Variants in CTNNA2 observed in about 807,000 individuals in gnomAD.
CTNNA2 encodes catenin alpha-2.
Under a neutral mutation model 101.0 loss-of-function variants are expected in CTNNA2, and 42 were observed. The observed-to-expected ratio is 0.42, with a 90% confidence interval of 0.32 to 0.54. The LOEUF (loss-of-function observed/expected upper bound fraction) is 0.54, where lower values mean the gene tolerates loss of function less well. Among genes scored for constraint, CTNNA2 ranks in the 20% least tolerant of loss-of-function variants. The probability of loss-of-function intolerance (pLI) is 0.14; values close to 1 mark genes in which losing one functional copy is unlikely to be tolerated. For missense variants in CTNNA2, 871 were observed against 1,223.1 expected, an observed-to-expected ratio of 0.71 and a Z score of 4.29; for synonymous variants, 450 against 456.4, an observed-to-expected ratio of 0.99 and a Z score of 0.18.
At chr2:80,186,514 A>G (rs1706139004) in intron 7 of CTNNA2, among the ~76,000 whole-genome samples, 1 of 152,242 alleles carries the variant, frequency 6.6e-6, no homozygotes, top group East Asian at 1.9e-4. Flanking sequence ...TTGTCACGGC[A>G]GGTGGGGCAT....
intron 6 of CTNNA2, among the ~76,000 whole-genome samples, chr2:79,897,952 T>C (rs1214434337): frequency 6.6e-6 from 1 of 152,108 alleles, no homozygotes; most frequent in Non-Finnish European, 1.5e-5. Flanking sequence ...AGTGCCTTAA[T>C]CCAGTTCAAA....
At position 79,701,425 on chromosome 2, in the gene CTNNA2, TC is replaced by T. The variant is rs369700176; in HGVS notation, c.103-42958del. 2.6e-3 allele frequency among the ~76,000 whole-genome samples: 398 copies of T among 152,174 alleles called. 1 individual carries two copies. Among genetic ancestry groups the T allele is most frequent in the South Asian group, 5.6e-3 (27 of 4,810 alleles). ...TAACTTTCTTACCAATGTACCTGGG[TC>T]CCCTTGTCACTGTAATGTTCTTCAG... On this transcript the variant is annotated intron_variant, in intron 2 of 18. Coordinates refer to ENST00000402739, the MANE Select transcript of CTNNA2 (RefSeq NM_001282597.3).
chr2:80,308,232 T>C lies in CTNNA2; in HGVS notation c.1057-84979T>C, dbSNP rs145572786. On this transcript the variant is annotated intron_variant, in intron 7 of 18. Transcript: ENST00000402739. ...TGTTCATTTTAGTCAAAATAATTTG[T>C]GAACACAGAGGTGCAAGTGCAGAAA... Among the ~76,000 whole-genome samples, 1,031 of 152,322 alleles carry C rather than the reference T, an allele frequency of 6.8e-3. 13 individuals carry two copies. Among genetic ancestry groups the C allele is most frequent in the African/African-American group, 0.023 (937 of 41,566 alleles).
At chr2:79,915,681 A>G (rs895524134) in intron 7 of CTNNA2, among the ~76,000 whole-genome samples, 2 of 152,218 alleles carry the variant, frequency 1.3e-5, no homozygotes, top group Non-Finnish European at 2.9e-5. Context: ...GATCCCTGAC[A>G]AGTCTTGTGC....
intron 7 of CTNNA2, among the ~76,000 whole-genome samples, chr2:80,012,832 A>C (rs1340427560): frequency 6.6e-6 from 1 of 152,128 alleles, no homozygotes; most frequent in Non-Finnish European, 1.5e-5. Context: ...TGGCCTTGTA[A>C]GATCAGATAT....
rs768455060 is a variant in CTNNA2 at position 80,303,358 on chromosome 2, G to C, written c.1057-89853G>C. On this transcript the variant is annotated intron_variant, in intron 7 of 18. Coordinates refer to ENST00000402739, the MANE Select transcript of CTNNA2 (RefSeq NM_001282597.3). The surrounding 1 kb of genome is among the most constrained non-coding windows in gnomAD (Gnocchi z 7.7). ...GCTTCCGCAGCCCGTGGAAGAGGTC[G>C]GGCGCGAGCGCCTGCAGCTTGTTGT... The C allele has an allele frequency of 5.6e-6, 9 of 1,614,070 alleles. No homozygotes were observed. The East Asian group carries it at 1.3e-4, about 24-fold the overall frequency.
chr2:80,370,656 G>A (rs953599555), intron 7 of CTNNA2, among the ~76,000 whole-genome samples: 1 of 152,086 alleles, frequency 6.6e-6, no homozygotes, highest in African/African-American at 2.4e-5. Context: ...TGACTTTCCT[G>A]TCCTCACAGA....
intron 4 of CTNNA2, among the ~76,000 whole-genome samples, chr2:79,395,855 T>C (rs1015324706): frequency 6.6e-6 from 1 of 152,138 alleles, no homozygotes; most frequent in African/African-American, 2.4e-5. Context: ...CAGGCTGGAG[T>C]GCTGTCTGTG....
chr2:79,833,080 G>A (rs978284291), intron 3 of CTNNA2, among the ~76,000 whole-genome samples: 5 of 152,166 alleles, frequency 3.3e-5, no homozygotes, highest in Non-Finnish European at 7.4e-5. Context: ...CAGAAAGAAT[G>A]TAAGGCATGT....
chr2:79,344,632 A>C (rs2104432200), intron 3 of CTNNA2, among the ~76,000 whole-genome samples: 1 of 151,972 alleles, frequency 6.6e-6, no homozygotes, highest in Non-Finnish European at 1.5e-5. Flanking sequence ...TTTTTAATAA[A>C]GTCCAGTTCA....
chr2:79,290,156 A>G (rs1184915043), intron 2 of CTNNA2, among the ~76,000 whole-genome samples: 1 of 152,216 alleles, frequency 6.6e-6, no homozygotes, highest in East Asian at 1.9e-4. Flanking sequence ...GGCCCTGAAC[A>G]TAGAGTCTTT....
intron 8 of CTNNA2, among the ~76,000 whole-genome samples, chr2:80,400,851 A>G (rs59857055): frequency 0.058 from 8,792 of 152,224 alleles, 335 homozygotes; most frequent in Non-Finnish European, 0.087. Context: ...CATAACCAGT[A>G]TCCTAGACCC....
intron 4 of CTNNA2, among the ~76,000 whole-genome samples, chr2:79,390,172 T>C (rs1678156921): frequency 6.6e-6 from 1 of 152,190 alleles, no homozygotes; most frequent in Non-Finnish European, 1.5e-5. Flanking sequence ...ACTAATTAAG[T>C]TTGATTCATC....
intron 3 of CTNNA2, among the ~76,000 whole-genome samples, chr2:79,826,567 CT>C (rs1173670453): frequency 1.3e-5 from 2 of 152,212 alleles, no homozygotes; most frequent in East Asian, 1.9e-4. Context: ...ATCTGCATGT[CT>C]TCTGGGATCT....
chr2:79,679,723 A>T (rs765896767), intron 2 of CTNNA2, among the ~76,000 whole-genome samples: 1 of 151,854 alleles, frequency 6.6e-6, no homozygotes. Flanking sequence ...TCTGCTTCCT[A>T]CGTCACTGTA....
intron 7 of CTNNA2, among the ~76,000 whole-genome samples, chr2:80,003,101 A>G (rs1230514926): frequency 1.3e-5 from 2 of 152,200 alleles, no homozygotes; most frequent in African/African-American, 2.4e-5. Context: ...CAGCAGCAGC[A>G]GCAGCAGCAG....
chr2:80,199,141 A>G (rs1707031219), intron 7 of CTNNA2, among the ~76,000 whole-genome samples: 1 of 128,506 alleles, frequency 7.8e-6, no homozygotes, highest in South Asian at 2.8e-4. Flanking sequence ...AGATTGTGCC[A>G]TTGCACTCCA....
intron 9 of CTNNA2, among the ~76,000 whole-genome samples, chr2:80,523,268 G>A (rs544152347): frequency 6.6e-6 from 1 of 152,286 alleles, no homozygotes; most frequent in South Asian, 2.1e-4. Flanking sequence ...AAAGGAAAGT[G>A]AAGTTGTAAA....
chr2:80,031,447 G>A (rs916998695), intron 7 of CTNNA2, among the ~76,000 whole-genome samples: 5 of 152,144 alleles, frequency 3.3e-5, no homozygotes, highest in African/African-American at 1.2e-4. Context: ...ATGGCAGCAG[G>A]CAAAAAGAGA....
Sources: gnomAD v4.1 joint callset for allele counts (sites outside exome capture counted in the v4.1 genomes callset) on GRCh38, gnomAD v4.1.1 for gene constraint, Gnocchi (gnomAD v3.1) non-coding constraint, MANE v1.5 for transcripts, NCBI Gene and HGNC (gene_info 2026-07-23, HGNC 2026-07-21) for gene names.